BST1: variants seen among roughly 807,000 people sequenced by gnomAD.
BST1 encodes the protein bone marrow stromal cell antigen 1, also known as ADP-ribosyl cyclase/cyclic ADP-ribose hydrolase 2.
In BST1, 49 loss-of-function variants were observed where a neutral mutation model predicts 40.6. That is an observed-to-expected ratio of 1.21 (90% CI 0.96 to 1.53). BST1 has a LOEUF of 1.53. Ranked by LOEUF, BST1 falls within the 40% of genes most tolerant of loss-of-function variation. The pLI, the probability that BST1 is intolerant of heterozygous loss-of-function variation, is 0.00. For synonymous variants in BST1, 157 were observed against 159.3 expected, an observed-to-expected ratio of 0.99 and a Z score of 0.11; for missense variants, 423 against 395.9, an observed-to-expected ratio of 1.07 and a Z score of -0.58.
intron 1 of BST1, among the ~76,000 whole-genome samples, chr4:15,705,167 T>A (rs3756246): frequency 0.44 from 66,680 of 151,090 alleles, 15,278 homozygotes; most frequent in African/African-American, 0.56. Flanking sequence ...GGAACTGGAC[T>A]ATGAGACTGG....
intron 2 of BST1, 39 bp downstream of exon 2, chr4:15,705,680 G>C (rs1191836795): frequency 1.9e-6 from 3 of 1,609,458 alleles, no homozygotes; most frequent in Admixed American, 3.3e-5. Flanking sequence ...TGTGTTCTCT[G>C]TCTCTACAGA....
intron 8 of BST1, among the ~76,000 whole-genome samples, chr4:15,727,558 C>T (rs898834338): frequency 3.9e-5 from 6 of 152,128 alleles, no homozygotes; most frequent in African/African-American, 1.4e-4. Flanking sequence ...AAAACAAATT[C>T]AACAAGGTGT....
Position 15,722,952 on chromosome 4 carries a change from C to T in BST1, c.851+18C>T, listed in dbSNP as rs1193541287. 6.2e-7 allele frequency: 1 copy of T among 1,610,784 alleles called. No homozygotes were observed. Among genetic ancestry groups the T allele is most frequent in the Non-Finnish European group, 8.5e-7 (1 of 1,177,308 alleles). On this transcript the variant is annotated intron_variant, in intron 8 of 8. Transcript: ENST00000265016. ...TTAAAGTCGTAAGTAAATGTCTTAA[C>T]CCAAATCGTTCTTTCCAAAGATAAC...
chr4:15,740,013 G>C (rs554995934), downstream of BST1, among the ~76,000 whole-genome samples: 7 of 152,196 alleles, frequency 4.6e-5, no homozygotes, highest in South Asian at 8.3e-4. Flanking sequence ...GAGAGAGACA[G>C]GGAGAGAGTG....
chr4:15,721,743 T>A (rs1035813525), intron 7 of BST1, among the ~76,000 whole-genome samples: 1 of 152,066 alleles, frequency 6.6e-6, no homozygotes, highest in Non-Finnish European at 1.5e-5. Context: ...CAACATGGCA[T>A]GTGTATACAT....
chr4:15,770,802 C>T, the BST1 span, among the ~76,000 whole-genome samples: 2 of 152,204 alleles, frequency 1.3e-5, no homozygotes, highest in Non-Finnish European at 2.9e-5. Context: ...TGACTACTTG[C>T]TAGGGGCCAG....
chr4:15,710,125 C>G (rs1045398846), intron 3 of BST1, among the ~76,000 whole-genome samples: 3 of 152,002 alleles, frequency 2.0e-5, no homozygotes, highest in Non-Finnish European at 4.4e-5. Context: ...GCACACACCA[C>G]CACACTAGGC....
Position 15,703,171 on chromosome 4 carries a change from G to A in BST1, c.27G>A (p.Ser9=), listed in dbSNP as rs1340790288. 4 of 1,567,858 alleles carry A rather than the reference G, an allele frequency of 2.6e-6. No homozygotes were observed. Among genetic ancestry groups the A allele is most frequent in the Non-Finnish European group, 3.5e-6 (4 of 1,158,272 alleles). ...TGGCGGCCCAGGGGTGCGCGGCATC[G>A]CGGCTGCTCCAGCTGCTGCTGCAGC... MAAQGCAA[S]RLLQLLLQLL... is the part of the protein sequence containing the mutation. Residue 9 remains serine (S), a synonymous_variant, in exon 1 of 9, where the codon TCG becomes TCA. Transcript: ENST00000265016.
At chr4:15,765,485 T>C in the BST1 span, among the ~76,000 whole-genome samples, 2 of 151,940 alleles carry the variant, frequency 1.3e-5, no homozygotes, top group Admixed American at 6.5e-5. Flanking sequence ...AGAGTGAGCC[T>C]GACAAAACAC....
the BST1 span, among the ~76,000 whole-genome samples, chr4:15,758,361 T>C: frequency 1.3e-5 from 2 of 152,340 alleles, no homozygotes; most frequent in Admixed American, 6.5e-5. Context: ...GTGCACTCAA[T>C]ATTTAGCTTT....
intron 6 of BST1, among the ~76,000 whole-genome samples, chr4:15,716,933 G>A (rs752888265): frequency 5.9e-5 from 9 of 152,036 alleles, no homozygotes; most frequent in Admixed American, 2.6e-4. Context: ...CCGTTACCAC[G>A]CCCAGCTGAT....
chr4:15,749,338 G>A, the BST1 span, among the ~76,000 whole-genome samples: 3 of 152,094 alleles, frequency 2.0e-5, no homozygotes, highest in African/African-American at 4.8e-5. Flanking sequence ...TGCTACGAGC[G>A]GGTTTTCTGT....
chr4:15,748,821 T>G, the BST1 span, among the ~76,000 whole-genome samples: 2 of 152,240 alleles, frequency 1.3e-5, no homozygotes, highest in Non-Finnish European at 2.9e-5. Flanking sequence ...ACATTCCTTA[T>G]GATTACCATT....
downstream of BST1, among the ~76,000 whole-genome samples, chr4:15,741,438 G>T (rs1721739693): frequency 6.6e-6 from 1 of 152,178 alleles, no homozygotes; most frequent in Non-Finnish European, 1.5e-5. Flanking sequence ...GAAACATTCT[G>T]TTCACATCCT....
chr4:15,749,311 G>A, the BST1 span, among the ~76,000 whole-genome samples: 3 of 152,148 alleles, frequency 2.0e-5, no homozygotes, highest in African/African-American at 7.2e-5. Flanking sequence ...GAATAAGCAC[G>A]AGACACCAGC....
intron 8 of BST1, among the ~76,000 whole-genome samples, chr4:15,728,773 G>T (rs1376259962): frequency 6.6e-6 from 1 of 151,450 alleles, no homozygotes; most frequent in Non-Finnish European, 1.5e-5. Context: ...AGCCTGCCAA[G>T]TAGCTGGGCC....
chr4:15,720,693 A>T (rs1577584340), intron 7 of BST1, among the ~76,000 whole-genome samples: 1 of 152,090 alleles, frequency 6.6e-6, no homozygotes, highest in South Asian at 2.1e-4. Flanking sequence ...TGGGAGGCTG[A>T]GGTGGGAGGA....
chr4:15,752,959 A>C, the BST1 span, among the ~76,000 whole-genome samples: 1 of 152,222 alleles, frequency 6.6e-6, no homozygotes, highest in Non-Finnish European at 1.5e-5. Flanking sequence ...TAAGAAGATA[A>C]AGTGATTTAC....
the BST1 span, among the ~76,000 whole-genome samples, chr4:15,756,871 C>T: frequency 1.4e-4 from 21 of 152,156 alleles, no homozygotes; most frequent in Admixed American, 1.1e-3. Context: ...GATGTGCCAC[C>T]CCAAAATACA....
Sources: allele counts gnomAD v4.1 joint callset (sites outside exome capture counted in the v4.1 genomes callset), GRCh38; gene constraint gnomAD v4.1.1; transcripts MANE v1.5; gene names NCBI Gene and HGNC (gene_info 2026-07-23, HGNC 2026-07-21).